Variants in PLAC9 observed in about 807,000 individuals in gnomAD.
PLAC9 encodes placenta-specific protein 9.
In PLAC9, 12 loss-of-function variants were observed where a neutral mutation model predicts 11.5. The observed-to-expected ratio is 1.05, with a 90% CI of 0.67 to 1.69. The LOEUF (loss-of-function observed/expected upper bound fraction) is 1.69. PLAC9 is among the 40% of genes most tolerant of loss of function. PLAC9 has a pLI of 0.00. For synonymous variants in PLAC9, 62 were observed against 58.1 expected (o/e 1.07, Z -0.31); for missense variants, 132 against 130.5 (o/e 1.01, Z -0.06).
intron 1 of PLAC9, among the ~76,000 whole-genome samples, chr10:80,136,907 T>A (rs1258649164): frequency 1.3e-5 from 2 of 152,170 alleles, no homozygotes; most frequent in Non-Finnish European, 2.9e-5. Flanking sequence ...AGGCCTACCC[T>A]ACCCCATTTT....
chr10:80,137,074 G>A (rs1360364980), intron 1 of PLAC9, among the ~76,000 whole-genome samples: 1 of 152,220 alleles, frequency 6.6e-6, no homozygotes, highest in Non-Finnish European at 1.5e-5. Flanking sequence ...GCAGTACAAT[G>A]TCAGGCCCTG....
chr10:80,140,101 T>A (rs1233422753), intron 1 of PLAC9, among the ~76,000 whole-genome samples: 2 of 152,188 alleles, frequency 1.3e-5, no homozygotes, highest in East Asian at 1.9e-4. Flanking sequence ...TCCTTCGAGA[T>A]GTGGTCCCAC....
chr10:80,145,125 C>G lies in PLAC9; in HGVS notation c.*215C>G, dbSNP rs774201057. ...GGAAGCCTGCAACCCCCTCCAGGCT[C>G]AGACCTGGGGACACCCCCACTCCTG... On this transcript the variant is annotated 3_prime_UTR_variant, in exon 4 of 4. Transcript: ENST00000372263. The G allele has an allele frequency of 1.4e-6, 1 of 703,230 alleles. No individual in the cohort carries two copies. The highest frequency in any genetic ancestry group is 1.5e-5 in the South Asian group (1 of 65,140). The allele number at this position is 703,230 out of a possible 1,614,324, so 43.6% of individuals were successfully genotyped here. A position where few individuals can be genotyped will look rare whatever the true frequency, so the allele number is the denominator to read the frequency against.
intron 1 of PLAC9, among the ~76,000 whole-genome samples, chr10:80,138,969 T>TTTTTG (rs1845009029): frequency 6.8e-6 from 1 of 147,290 alleles, no homozygotes. Context: ...TTTTTTTTTT[T>TTTTTG]GAGACGGAGT....
upstream of PLAC9, chr10:80,132,511 G>A (rs890172705): frequency 2.3e-5 from 10 of 427,732 alleles, no homozygotes; most frequent in African/African-American, 2.1e-4. Context: ...CGGGGACTCG[G>A]GGGGCGGCCC....
intron 1 of PLAC9, among the ~76,000 whole-genome samples, chr10:80,139,873 G>C (rs1411334350): frequency 1.3e-5 from 2 of 152,098 alleles, no homozygotes; most frequent in Non-Finnish European, 2.9e-5. Flanking sequence ...ACAGGCACGA[G>C]CTACCATTTC....
chr10:80,131,716 G>A (rs1358290559), upstream of PLAC9: 1 of 152,226 alleles, frequency 6.6e-6, no homozygotes, highest in East Asian at 1.9e-4. Flanking sequence ...TCTTGCTCTG[G>A]AGGAGGGAGT....
intron 1 of PLAC9, among the ~76,000 whole-genome samples, chr10:80,136,604 T>C (rs192443457): frequency 1.2e-4 from 18 of 152,294 alleles, no homozygotes; most frequent in African/African-American, 3.8e-4. Flanking sequence ...TCCAAATACC[T>C]GAGACTACAA....
chr10:80,139,214 A>C (rs1013476348), intron 1 of PLAC9, among the ~76,000 whole-genome samples: 8 of 152,066 alleles, frequency 5.3e-5, no homozygotes, highest in Non-Finnish European at 1.0e-4. Context: ...GGCCTCCCAA[A>C]GTGCTGGGAT....
chr10:80,137,481 G>A (rs546506054), intron 1 of PLAC9, among the ~76,000 whole-genome samples: 1 of 152,182 alleles, frequency 6.6e-6, no homozygotes, highest in Non-Finnish European at 1.5e-5. Context: ...GAGCCAGCAG[G>A]GGGGTATGTG....
chr10:80,142,633 A>C lies in PLAC9; in HGVS notation c.162+454A>C, dbSNP rs762624717. Among the ~76,000 whole-genome samples, 23 of 152,250 alleles carry C rather than the reference A, an allele frequency of 1.5e-4. 1 individual carries two copies. The highest frequency in any genetic ancestry group is 2.6e-4 in the Admixed American group (4 of 15,286). On this transcript the variant is annotated intron_variant, in intron 2 of 3. Transcript: ENST00000372263. ...TTCATCTTCTAGTTATGAATATCTCAACATATAATTTTTATCCTTCCTTAT... is the reference window on the plus strand; with the variant it reads ...TTCATCTTCTAGTTATGAATATCTCCACATATAATTTTTATCCTTCCTTAT...
chr10:80,134,933 A>G (rs142591181), intron 1 of PLAC9, among the ~76,000 whole-genome samples: 126 of 152,300 alleles, frequency 8.3e-4, no homozygotes, highest in African/African-American at 2.6e-3. Flanking sequence ...TATGTCATTT[A>G]AATACCTCCA....
intron 2 of PLAC9, 76 bp from the exon 3 acceptor site, chr10:80,144,147 C>A: frequency 6.2e-7 from 1 of 1,603,392 alleles, no homozygotes; most frequent in Non-Finnish European, 8.5e-7. Context: ...CCGCCAGCTG[C>A]TCTCTTAGGA....
At chr10:80,134,996 A>C in intron 1 of PLAC9, among the ~76,000 whole-genome samples, 1 of 138,154 alleles carries the variant, frequency 7.2e-6, no homozygotes. Context: ...CCAACTTCCA[A>C]CCTTGGTTTG....
At chr10:80,132,669 C>G, upstream of PLAC9, 4 of 1,097,046 alleles carry the variant, frequency 3.6e-6, no homozygotes, top group Non-Finnish European at 4.9e-6. Flanking sequence ...AATTTTGGCT[C>G]GAACTGAGTG....
intron 2 of PLAC9, among the ~76,000 whole-genome samples, chr10:80,143,850 A>T (rs2132339088): frequency 6.6e-6 from 1 of 152,222 alleles, no homozygotes; most frequent in South Asian, 2.1e-4. Context: ...ACCATTAAGA[A>T]CTCAGTAAAT....
In PLAC9 at chr10:80,144,303, G is replaced by C. The variant is rs775335347; in HGVS notation, c.243G>C (p.Leu81=). ...LGLLEELAWN[L]PPGPFSPAPD... ...TGCTGGAGGAGCTGGCCTGGAACCT[G>C]CCCCCGGGACCCTTCAGCCCCGCTC... The change falls in exon 3 of 4, where the codon CTG becomes CTC. Residue 81 remains leucine (L), a synonymous_variant. Transcript: ENST00000372263. 6.2e-7 allele frequency: 1 copy of C among 1,612,478 alleles called. No homozygotes were observed. Among genetic ancestry groups the C allele is most frequent in the Non-Finnish European group, 8.5e-7 (1 of 1,179,938 alleles).
At chr10:80,132,895 G>A in intron 1 of PLAC9, 69 bp downstream of exon 1, 2 of 1,327,000 alleles carry the variant, frequency 1.5e-6, no homozygotes, top group Non-Finnish European at 2.0e-6. Context: ...AGGAAGGAAT[G>A]AGCGAGAGAG....
chr10:80,143,674 G>A (rs1845067186), intron 2 of PLAC9, among the ~76,000 whole-genome samples: 1 of 152,126 alleles, frequency 6.6e-6, no homozygotes, highest in Non-Finnish European at 1.5e-5. Flanking sequence ...TGGGATTACA[G>A]GCGTGAGCCA....
Sources: gnomAD v4.1 joint callset for allele counts (sites outside exome capture counted in the v4.1 genomes callset) on GRCh38, gnomAD v4.1.1 for gene constraint, MANE v1.5 for transcripts, NCBI Gene and HGNC (gene_info 2026-07-23, HGNC 2026-07-21) for gene names.